The following NOTCH3 variants were observed in gnomAD, a reference collection of about 807,000 sequenced individuals.
NOTCH3 encodes the protein neurogenic locus notch homolog protein 3.
A neutral mutation model predicts 213.3 loss-of-function variants in NOTCH3; 86 were observed. The observed-to-expected ratio is 0.40, with a 90% confidence interval of 0.34 to 0.48. The LOEUF is 0.48. NOTCH3 is among the 20% of genes least tolerant of loss of function. NOTCH3 has a pLI of 0.57. For synonymous variants in NOTCH3, 1,354 were observed against 1,355.9 expected, an observed-to-expected ratio of 1.00 and a Z score of 0.03; for missense variants, 2,783 against 3,272.6, an observed-to-expected ratio of 0.85 and a Z score of 3.65.
rs192808223 is a variant in NOTCH3, at chr19:15,164,112, T to C, written c.5815+1256A>G. 5.9e-5 allele frequency among the ~76,000 whole-genome samples: 9 copies of C among 152,356 alleles called. No individual in the cohort carries two copies. The East Asian group carries it at 1.7e-3, about 29-fold the overall frequency. ...TTATTTTTCAGGTGATGAAATGTTCTAAAATTGATTGTGGTAATAGTTGTA... is the reference window on the plus strand; with the variant it reads ...TTATTTTTCAGGTGATGAAATGTTCCAAAATTGATTGTGGTAATAGTTGTA... On this transcript the variant is annotated intron_variant, in intron 31 of 32. Coordinates refer to ENST00000263388, the MANE Select transcript of NOTCH3 (RefSeq NM_000435.3).
Position 15,181,726 on chromosome 19 carries a change from C to G in NOTCH3, c.2642G>C (p.Gly881Ala), listed in dbSNP as rs867188807. 6.4e-7 allele frequency: 1 copy of G among 1,572,070 alleles called. No homozygotes were observed. Among genetic ancestry groups the G allele is most frequent in the South Asian group, 1.2e-5 (1 of 85,684 alleles). Residue 881 changes from glycine to alanine, a missense_variant, in exon 17 of 33, where the codon GGC (glycine) becomes GCC (alanine). Physicochemically the swap from Gly to Ala is moderately conservative, Grantham distance 60 (BLOSUM62 0). Around this residue, in one of 6 missense-constraint regions of NOTCH3, gnomAD observed 861 missense variants for 909.1 expected, o/e 0.95. Coordinates refer to ENST00000263388, the MANE Select transcript of NOTCH3 (RefSeq NM_000435.3). ...ATCCACATCGCGGGCGCATCGTGGG[C>G]CGGCGAAACCAGGGAGGCAGGAGCA... ...FSCSCLPGFA[G>A]PRCARDVDEC...
In NOTCH3 at chr19:15,179,142, G is replaced by A. The variant is rs772172068; in HGVS notation, c.3601C>T (p.Arg1201Cys). The change falls in exon 22 of 33, where the codon CGC becomes TGC. Residue 1201 changes from arginine (R) to cysteine (C), a missense_variant. By Grantham distance (180) the Arg-to-Cys change is radical. Coordinates refer to ENST00000263388, the MANE Select transcript of NOTCH3 (RefSeq NM_000435.3). The part of the protein sequence containing the change: ...CTCPPGYTGL[R>C]CEADINECRS... ...CACTCATTGATGTCTGCCTCGCAGC[G>A]CAAACCAGTGTATCCTGGGGGACAG... The A allele has an allele frequency of 4.6e-5, 74 of 1,614,018 alleles. No individual in the cohort carries two copies. The highest frequency in any genetic ancestry group is 1.6e-4 in the Middle Eastern group (1 of 6,082).
chr19:15,191,394 T>A (rs1474898163), intron 6 of NOTCH3, 30 bp downstream of exon 6: 4 of 1,588,452 alleles, frequency 2.5e-6, no homozygotes, highest in Non-Finnish European at 3.5e-6. Flanking sequence ...AAACCATCCA[T>A]GGCTCCCTGC....
chr19:15,192,002 T>C lies in NOTCH3; in HGVS notation c.637A>G (p.Arg213Gly). Residue 213 changes from arginine (R) to glycine (G), a missense_variant, in exon 4 of 33, where the codon AGG becomes GGG. Arg to Gly is a moderately radical substitution (Grantham distance 125, BLOSUM62 -2). This residue lies in a region of NOTCH3 where 708 missense variants were observed against 906.6 expected (regional missense o/e 0.78). Transcript: ENST00000263388. ...TCGTAAGTGAGGTCGCCACTCTGCC[T>C]GCAGGTGCCCCCGTTACGGCATGGT... ...PSPCRNGGTC[R>G]QSGDLTYDCA... 1 of 1,613,370 alleles carries C rather than the reference T, an allele frequency of 6.2e-7. No individual in the cohort carries two copies. The highest frequency in any genetic ancestry group is 8.5e-7 in the Non-Finnish European group (1 of 1,179,998).
rs958634887 is a variant in NOTCH3, at chr19:15,160,409, T to G, written c.*253A>C. 1.9e-6 allele frequency: 1 copy of G among 529,258 alleles called. No homozygotes were observed. The highest frequency in any genetic ancestry group is 1.9e-5 in the African/African-American group (1 of 51,892). The allele number at this position is 529,258 out of a possible 1,614,324, so 32.8% of individuals were successfully genotyped here. ...AGAAAGGAATGAGGGAAGAGAGAAGTGGGGAAGAAGGAGGTCCCAGACTCT... is the reference window on the plus strand; with the variant it reads ...AGAAAGGAATGAGGGAAGAGAGAAGGGGGGAAGAAGGAGGTCCCAGACTCT... On this transcript the variant is annotated 3_prime_UTR_variant, in exon 33 of 33. Transcript: ENST00000263388.
Position 15,174,177 on chromosome 19 carries a change from G to A in NOTCH3, c.4627C>T (p.Leu1543=), listed in dbSNP as rs111838442. The change falls in exon 25 of 33, where the codon CTG becomes TTG. Residue 1543 remains leucine (L), a synonymous_variant. Transcript: ENST00000263388. The part of the protein sequence containing the change: ...QRLSAILRTS[L]RFRLDAHGQA... ...CCGTGCGCGTCCAGGCGGAAGCGCA[G>A]CGAGGTGCGCAGGATGGCGCTGAGC... 8 of 1,609,280 alleles carry A rather than the reference G, an allele frequency of 5.0e-6. No homozygotes were observed. The African/African-American group carries it at 9.3e-5, about 19-fold the overall frequency.
intron 7 of NOTCH3, 30 bp downstream of exon 7, chr19:15,189,243 C>G: frequency 6.2e-7 from 1 of 1,613,882 alleles, no homozygotes; most frequent in Non-Finnish European, 8.5e-7. Context: ...TCTTTCCCAG[C>G]CCATTCACAG....
rs372241697 is a variant in NOTCH3, at chr19:15,179,174, C to A, written c.3569G>T (p.Arg1190Leu). ...AGTGTATCCTGGGGGACAGGTGCAG[C>A]GGAAACCACCCACCAGGTCCACGCA... ...GTCVDLVGGF[R>L]CTCPPGYTGL... Residue 1190 changes from arginine to leucine, a missense_variant, in exon 22 of 33, where the codon CGC becomes CTC. Arg to Leu is a moderately radical substitution (Grantham distance 102). Around this residue, in one of 6 missense-constraint regions of NOTCH3, gnomAD observed 861 missense variants for 909.1 expected, o/e 0.95. Transcript: ENST00000263388. 2 of 1,613,972 alleles carry A rather than the reference C, an allele frequency of 1.2e-6. No homozygotes were observed. The highest frequency in any genetic ancestry group is 1.3e-5 in the African/African-American group (1 of 75,020).
At chr19:15,200,746 C>A (rs747686817) in intron 1 of NOTCH3, 42 bp downstream of exon 1, 3 of 1,240,226 alleles carry the variant, frequency 2.4e-6, no homozygotes, top group South Asian at 6.7e-5. Flanking sequence ...TGCACTCCCC[C>A]TCTGCCGCCC....
chr19:15,164,555 A>T (rs1370704290), intron 31 of NOTCH3, among the ~76,000 whole-genome samples: 1 of 40,452 alleles, frequency 2.5e-5, no homozygotes, highest in Non-Finnish European at 5.1e-5. Flanking sequence ...AAAAAAAATT[A>T]AAAAAAGGGC....
Position 15,188,328 on chromosome 19 carries a change from C to A in NOTCH3, c.1399G>T (p.Glu467Ter). ...CTCTGACACTCGTCAATGTCCACCT[C>A]GCAATAGGTTCCTGTGAAGCCTGGG... ...CMAGFTGTYC[E>*]VDIDECQSSP... Residue 467 changes from glutamate (E) to a stop codon, truncating the protein, a stop_gained, in exon 9 of 33, where the codon GAG (glutamate) becomes TAG (stop). Transcript: ENST00000263388. LOFTEE classifies it high-confidence loss of function. The A allele has an allele frequency of 6.2e-7, 1 of 1,604,568 alleles. No homozygotes were observed. The highest frequency in any genetic ancestry group is 1.7e-5 in the Admixed American group (1 of 58,990).
At chr19:15,178,332 C>G in intron 23 of NOTCH3, 1 of 509,828 alleles carries the variant, frequency 2.0e-6, no homozygotes. Context: ...GCCACGCCCC[C>G]CAATCACCAT....
At position 15,177,717 on chromosome 19, in the gene NOTCH3, T is replaced by G; in HGVS notation, c.4211A>C (p.Glu1404Ala). 6.5e-7 allele frequency: 1 copy of G among 1,532,658 alleles called. No homozygotes were observed. The highest frequency in any genetic ancestry group is 8.7e-7 in the Non-Finnish European group (1 of 1,146,172). The allele number at this position is 1,532,658 out of a possible 1,614,324, so 94.9% of individuals were successfully genotyped here. Reference protein sequence around the residue: ...AKRGDQRCDRECNSPGCGWDG... With the variant: ...AKRGDQRCDRACNSPGCGWDG... ...CCAGCCGCAGCCTGGGCTGTTGCAC[T>G]CGCGGTCGCAGCGCTGGTCCCCGCG... The change falls in exon 24 of 33, where the codon GAG (glutamate) becomes GCG (alanine). Residue 1404 changes from glutamate (E) to alanine (A), a missense_variant. This residue lies in a region of NOTCH3 where 133 missense variants were observed against 201.9 expected (regional missense o/e 0.66). Transcript: ENST00000263388.
chr19:15,180,691 T>G lies in NOTCH3; in HGVS notation c.3132A>C (p.Ala1044=). 1 of 1,555,448 alleles carries G rather than the reference T, an allele frequency of 6.4e-7. No homozygotes were observed. The highest frequency in any genetic ancestry group is 8.7e-7 in the Non-Finnish European group (1 of 1,151,390). Residue 1044 remains alanine, a synonymous_variant, in exon 19 of 33, where the codon GCA becomes GCC. Transcript: ENST00000263388. ...CATGCTCCCACTCACCGATCTGGGCTGCGGCCTCCCTGCAGGGCAAGCTTC... is the reference window on the plus strand; with the variant it reads ...CATGCTCCCACTCACCGATCTGGGCGGCGGCCTCCCTGCAGGGCAAGCTTC... The part of the protein sequence containing the change: ...DIRSLPCREA[A]AQIGVRLEQL...
At chr19:15,197,617 G>C in intron 1 of NOTCH3, 39 bp from the exon 2 acceptor site, 1 of 1,591,920 alleles carries the variant, frequency 6.3e-7, no homozygotes, top group Non-Finnish European at 8.6e-7. Flanking sequence ...TCAGCCAGGT[G>C]CCCAGGAACC....
intron 5 of NOTCH3, 35 bp downstream of exon 5, chr19:15,191,710 C>A (rs1039438847): frequency 3.1e-6 from 5 of 1,613,594 alleles, no homozygotes; most frequent in Middle Eastern, 1.6e-4. Flanking sequence ...CCACCCGAGG[C>A]CTGCCTCCCC....
chr19:15,182,915 T>A lies in NOTCH3; in HGVS notation c.2567-1114A>T, dbSNP rs183873028. On this transcript the variant is annotated intron_variant, in intron 16 of 32. Transcript: ENST00000263388. ...CCTCAGCCTCCCAAAGTGCTGGGAT[T>A]ACCGGTGTGAGCCACTGCGCCCAGC... 7.9e-3 allele frequency among the ~76,000 whole-genome samples: 1,203 copies of A among 152,238 alleles called. 9 individuals are homozygous for A. Among genetic ancestry groups the A allele is most frequent in the African/African-American group, 0.027 (1,110 of 41,530 alleles).
Position 15,180,820 on chromosome 19 carries a change from C to A in NOTCH3, c.3003G>T (p.Val1001=). ...GACAAGGCTGGCGGCTGCACCAATC[C>A]ACCAGCGTCTGGAGGGGAAGCACTC... is the stretch of plus-strand genomic sequence containing the variant. ...SFTGPQCQTL[V]DWCSRQPCQN... is the part of the protein sequence containing the mutation. Residue 1001 remains valine (V), a synonymous_variant, in exon 19 of 33, where the codon GTG becomes GTT. Coordinates refer to ENST00000263388, the MANE Select transcript of NOTCH3 (RefSeq NM_000435.3). The A allele has an allele frequency of 6.2e-7, 1 of 1,612,300 alleles. No homozygotes were observed. The highest frequency in any genetic ancestry group is 1.1e-5 in the South Asian group (1 of 90,590).
intron 25 of NOTCH3, among the ~76,000 whole-genome samples, chr19:15,171,523 G>T (rs890413053): frequency 6.6e-6 from 1 of 151,974 alleles, no homozygotes; most frequent in African/African-American, 2.4e-5. Flanking sequence ...CTAATTTTTG[G>T]GGGGGGTTGG....
Sources: gnomAD v4.1 joint callset for allele counts (sites outside exome capture counted in the v4.1 genomes callset) on GRCh38, gnomAD v4.1.1 for gene constraint, gnomAD v4.1.1 regional missense constraint, MANE v1.5 for transcripts, NCBI Gene and HGNC (gene_info 2026-07-23, HGNC 2026-07-21) for gene names.